RLF: variants seen among roughly 807,000 people sequenced by gnomAD.
RLF encodes the protein zinc finger protein Rlf.
In RLF, 7 loss-of-function variants were observed where a neutral mutation model predicts 162.9. The ratio of observed to expected loss-of-function variants is 0.04; its 90% CI spans 0.02 to 0.08. RLF has a LOEUF of 0.08. Among genes scored for constraint, RLF ranks in the 10% least tolerant of loss-of-function variants. The pLI is 1.00. For missense variants in RLF, 1,664 were observed against 2,244.7 expected, an observed-to-expected ratio of 0.74 and a Z score of 5.23; for synonymous variants, 782 against 791.5, an observed-to-expected ratio of 0.99 and a Z score of 0.20.
intron 1 of RLF, among the ~76,000 whole-genome samples, chr1:40,186,831 G>A (rs1359643412): frequency 6.6e-6 from 1 of 152,126 alleles, no homozygotes; most frequent in Non-Finnish European, 1.5e-5. Context: ...GTCCTGTGGG[G>A]GTGGAAGTGG....
At chr1:40,230,819 CTCATTAGCATTTCTA>C (rs1643143312) in intron 6 of RLF, among the ~76,000 whole-genome samples, 1 of 152,182 alleles carries the variant, frequency 6.6e-6, no homozygotes, top group Admixed American at 6.5e-5. Flanking sequence ...TTTACATTCT[CTCATTAGCATTTCTA>C]TCCTTGGCAT....
intron 1 of RLF, among the ~76,000 whole-genome samples, chr1:40,179,117 G>A (rs1041421856): frequency 7.9e-5 from 12 of 152,222 alleles, no homozygotes; most frequent in African/African-American, 2.9e-4. Context: ...TTACAGGCAT[G>A]CGCCACCACA....
At chr1:40,197,654 T>C (rs1344879983) in intron 4 of RLF, among the ~76,000 whole-genome samples, 4 of 152,218 alleles carry the variant, frequency 2.6e-5, no homozygotes, top group African/African-American at 9.6e-5. Context: ...CTTGGTATCC[T>C]GTTTATTCAG....
At chr1:40,221,915 AAAAG>A (rs1215525918) in intron 5 of RLF, among the ~76,000 whole-genome samples, 1 of 150,640 alleles carries the variant, frequency 6.6e-6, no homozygotes, top group Non-Finnish European at 1.5e-5. Context: ...AAAAAAAAAA[AAAAG>A]AGAAAGGAAA....
intron 4 of RLF, among the ~76,000 whole-genome samples, chr1:40,199,483 G>A (rs1642681398): frequency 6.6e-6 from 1 of 152,182 alleles, no homozygotes; most frequent in African/African-American, 2.4e-5. Context: ...AGAAACTTGA[G>A]TCTCAGAGAG....
intron 4 of RLF, among the ~76,000 whole-genome samples, chr1:40,196,500 T>G (rs1169676773): frequency 1.4e-5 from 2 of 142,446 alleles, no homozygotes; most frequent in African/African-American, 4.9e-5. Flanking sequence ...TTTTGTTGTT[T>G]TTGTTTTGTT....
chr1:40,210,115 C>G (rs1642847747), intron 5 of RLF, among the ~76,000 whole-genome samples: 1 of 152,154 alleles, frequency 6.6e-6, no homozygotes, highest in African/African-American at 2.4e-5. Context: ...GGTTTGATTC[C>G]TCATCCTGTA....
At position 40,236,271 on chromosome 1, in the gene RLF, T is replaced by A; in HGVS notation, c.1569T>A (p.Tyr523Ter). 6.2e-7 allele frequency: 1 copy of A among 1,613,766 alleles called. No homozygotes were observed. The highest frequency in any genetic ancestry group is 8.5e-7 in the Non-Finnish European group (1 of 1,179,910). ...DYDEGKEDKQ[Y>*]RRRDLTDQHK... ...ATGAGGGTAAAGAAGATAAACAATATAGAAGAAGAGATTTGACAGATCAGC... is the reference window on the plus strand; with the variant it reads ...ATGAGGGTAAAGAAGATAAACAATAAAGAAGAAGAGATTTGACAGATCAGC... The change falls in exon 8 of 8, where the codon TAT (tyrosine) becomes TAA (stop). Residue 523 changes from tyrosine (Y) to a stop codon, truncating the protein, a stop_gained. Coordinates refer to ENST00000372771, the MANE Select transcript of RLF (RefSeq NM_012421.4). LOFTEE classifies it high-confidence loss of function. The surrounding 1 kb of genome is among the most constrained non-coding windows in gnomAD (Gnocchi z 7.7).
chr1:40,172,198 T>A (rs866723231), intron 1 of RLF, among the ~76,000 whole-genome samples: 2 of 152,192 alleles, frequency 1.3e-5, no homozygotes, highest in Admixed American at 6.5e-5. Context: ...AAAAATACAG[T>A]ACAGAGGGTT....
chr1:40,183,854 C>A (rs894603981), intron 1 of RLF, among the ~76,000 whole-genome samples: 1 of 151,944 alleles, frequency 6.6e-6, no homozygotes, highest in African/African-American at 2.4e-5. Context: ...GTTTAGTGGC[C>A]GTAAAGCTCT....
chr1:40,202,359 C>A, intron 4 of RLF, 53 bp from the exon 5 acceptor site: 1 of 1,148,870 alleles, frequency 8.7e-7, no homozygotes, highest in Non-Finnish European at 1.2e-6. Context: ...CTTAGCAAGT[C>A]TGACATGTTA....
At chr1:40,199,896 A>G (rs1194786624) in intron 4 of RLF, among the ~76,000 whole-genome samples, 1 of 152,248 alleles carries the variant, frequency 6.6e-6, no homozygotes, top group African/African-American at 2.4e-5. Flanking sequence ...CCTTGAGGAA[A>G]GGAAGTATCA....
intron 5 of RLF, among the ~76,000 whole-genome samples, chr1:40,216,487 TAAA>T (rs59858431): frequency 7.8e-5 from 10 of 128,942 alleles, no homozygotes; most frequent in African/African-American, 2.6e-4. Flanking sequence ...AAACTCTGTC[TAAA>T]AAAAAAAAAA....
intron 1 of RLF, among the ~76,000 whole-genome samples, chr1:40,178,504 A>G (rs749775744): frequency 2.9e-4 from 44 of 152,238 alleles, no homozygotes; most frequent in Non-Finnish European, 5.9e-4. Context: ...CAATGTAACA[A>G]TGTGAATACT....
chr1:40,211,160 T>C (rs1210946012), intron 5 of RLF, among the ~76,000 whole-genome samples: 1 of 152,242 alleles, frequency 6.6e-6, no homozygotes, highest in Non-Finnish European at 1.5e-5. Flanking sequence ...TCTGTCCTTG[T>C]ACGAAAAATA....
intron 5 of RLF, among the ~76,000 whole-genome samples, chr1:40,219,699 G>T (rs1258691011): frequency 6.6e-6 from 1 of 152,206 alleles, no homozygotes; most frequent in African/African-American, 2.4e-5. Flanking sequence ...ATGCTTAGGA[G>T]TTATGAACCT....
intron 1 of RLF, among the ~76,000 whole-genome samples, chr1:40,188,078 T>C (rs1037271838): frequency 6.6e-6 from 1 of 152,212 alleles, no homozygotes; most frequent in African/African-American, 2.4e-5. Context: ...TGTTAGACTG[T>C]ACTACATACT....
At chr1:40,172,623 A>G (rs1642260876) in intron 1 of RLF, among the ~76,000 whole-genome samples, 1 of 152,140 alleles carries the variant, frequency 6.6e-6, no homozygotes, top group Non-Finnish European at 1.5e-5. Context: ...TGTCTCTACT[A>G]AAAATACAAA....
chr1:40,234,540 T>A (rs1485327243), intron 7 of RLF, among the ~76,000 whole-genome samples: 3 of 152,240 alleles, frequency 2.0e-5, no homozygotes, highest in Non-Finnish European at 4.4e-5. Context: ...TGTATTCTGT[T>A]AAATAGTTAC....
Sources: gnomAD v4.1 joint callset for allele counts (sites outside exome capture counted in the v4.1 genomes callset) on GRCh38, gnomAD v4.1.1 for gene constraint, Gnocchi (gnomAD v3.1) non-coding constraint, MANE v1.5 for transcripts, NCBI Gene and HGNC (gene_info 2026-07-23, HGNC 2026-07-21) for gene names.